The following THSD7A variants were observed in gnomAD, a reference collection of about 807,000 sequenced individuals.
THSD7A encodes thrombospondin type 1 domain containing 7A.
A neutral mutation model predicts 231.3 loss-of-function variants in THSD7A; 96 were observed. That is an observed-to-expected ratio of 0.41 (90% CI 0.35 to 0.49). The LOEUF is 0.49. Ranked by LOEUF, THSD7A falls within the 20% of genes least tolerant of loss-of-function variation. The pLI, the probability that THSD7A is intolerant of heterozygous loss-of-function variation, is 0.05. For missense variants in THSD7A, 2,290 were observed against 2,070.2 expected (o/e 1.11, Z -2.06); for synonymous variants, 940 against 743.3 (o/e 1.26, Z -4.30).
chr7:11,423,638 G>A (rs1784226384), intron 16 of THSD7A, among the ~76,000 whole-genome samples: 2 of 152,062 alleles, frequency 1.3e-5, no homozygotes. Context: ...CAAAGTGGTT[G>A]GATGTTTTTA....
At chr7:11,812,493 T>TAAGAGAAAGGTCACAAAAG (rs1399861832) in intron 1 of THSD7A, among the ~76,000 whole-genome samples, 7 of 152,198 alleles carry the variant, frequency 4.6e-5, no homozygotes, top group Admixed American at 6.5e-5. Flanking sequence ...GTCACAAAAG[T>TAAGAGAAAGGTCACAAAAG]GAAGGAAACT....
rs1298532378 is a variant in THSD7A at position 11,439,940 on chromosome 7, G to C, written c.3064+6121C>G. Among the ~76,000 whole-genome samples the C allele has an allele frequency of 3.3e-5, 5 of 152,032 alleles. No homozygotes were observed. In the East Asian group the frequency reaches 9.7e-4, roughly 29 times the overall value. On this transcript the variant is annotated intron_variant, in intron 13 of 27. Transcript: ENST00000423059. ...ATGTAGATGAAACAGCCTTCTGTTG[G>C]AAGAAAACAACATCTGGGACTTTCA...
intron 4 of THSD7A, among the ~76,000 whole-genome samples, chr7:11,574,117 A>G (rs1226895522): frequency 1.3e-5 from 2 of 152,226 alleles, no homozygotes; most frequent in Admixed American, 6.5e-5. Flanking sequence ...TGGGCTAGAT[A>G]TATAAATCTC....
intron 1 of THSD7A, among the ~76,000 whole-genome samples, chr7:11,786,982 A>G (rs1783814020): frequency 6.6e-6 from 1 of 152,088 alleles, no homozygotes; most frequent in Non-Finnish European, 1.5e-5. Context: ...TAAAGAGTTC[A>G]TATAAATTTT....
chr7:11,586,025 C>T (rs17574506), intron 4 of THSD7A, among the ~76,000 whole-genome samples: 67,614 of 151,876 alleles, frequency 0.45, 15,251 homozygotes, highest in Admixed American at 0.54. Flanking sequence ...TTACATCCCA[C>T]TGTATTTACA....
At chr7:11,488,329 A>G (rs2128306723) in intron 6 of THSD7A, among the ~76,000 whole-genome samples, 1 of 152,202 alleles carries the variant, frequency 6.6e-6, no homozygotes, top group Middle Eastern at 3.4e-3. Context: ...TTAAAGAGGG[A>G]AAAAATGGAG....
At chr7:11,708,653 C>T (rs559041308) in intron 1 of THSD7A, among the ~76,000 whole-genome samples, 46 of 150,824 alleles carry the variant, frequency 3.0e-4, no homozygotes, top group Non-Finnish European at 6.0e-5. Flanking sequence ...ACATTATTTT[C>T]TCCACTCACT....
chr7:11,492,839 T>C (rs1196679350), intron 6 of THSD7A, among the ~76,000 whole-genome samples: 1 of 152,020 alleles, frequency 6.6e-6, no homozygotes, highest in African/African-American at 2.4e-5. Flanking sequence ...CACAAAAACT[T>C]TGAACCGTAA....
intron 23 of THSD7A, among the ~76,000 whole-genome samples, chr7:11,398,025 C>A (rs145721302): frequency 2.0e-5 from 3 of 152,096 alleles, no homozygotes; most frequent in Non-Finnish European, 4.4e-5. Flanking sequence ...ACCCAGCAAT[C>A]CCATTACTGG....
chr7:11,791,631 C>G (rs1583294544), intron 1 of THSD7A, among the ~76,000 whole-genome samples: 2 of 151,824 alleles, frequency 1.3e-5, no homozygotes, highest in Admixed American at 1.3e-4. Context: ...CTGTGGACTT[C>G]CTTGTAAGAA....
In THSD7A at chr7:11,637,056, T is replaced by A; in HGVS notation, c.191-95A>T. The stretch of plus-strand genomic sequence containing the variant: ...AAAGACCTTTCAAGACCTAGTACAT[T>A]AACTTCCCTGCGGTGTTACAAAGTA... On this transcript the variant is annotated intron_variant, in intron 1 of 27. Transcript: ENST00000423059. The surrounding 1 kb of genome is among the most constrained non-coding windows in gnomAD (Gnocchi z 4.2). 8.7e-7 allele frequency: 1 copy of A among 1,145,046 alleles called. No homozygotes were observed. The highest frequency in any genetic ancestry group is 1.2e-6 in the Non-Finnish European group (1 of 810,620). The allele number at this position is 1,145,046 out of a possible 1,614,324, so 70.9% of individuals were successfully genotyped here.
intron 9 of THSD7A, among the ~76,000 whole-genome samples, 170 bp from the exon 10 acceptor site, chr7:11,462,313 C>A (rs550628747): frequency 2.0e-5 from 3 of 152,280 alleles, no homozygotes; most frequent in Admixed American, 2.0e-4. Flanking sequence ...CCATTTATAT[C>A]AAAAACCCAA....
intron 1 of THSD7A, among the ~76,000 whole-genome samples, chr7:11,748,098 C>A (rs149700039): frequency 2.2e-4 from 34 of 152,004 alleles, no homozygotes; most frequent in African/African-American, 5.1e-4. Context: ...TTTTAAAGAG[C>A]AGCCCAGCAC....
At chr7:11,403,865 G>C (rs1335182641) in intron 22 of THSD7A, among the ~76,000 whole-genome samples, 1 of 152,048 alleles carries the variant, frequency 6.6e-6, no homozygotes, top group African/African-American at 2.4e-5. Flanking sequence ...ATTACCCGAT[G>C]CCTGCCAAAG....
intron 1 of THSD7A, among the ~76,000 whole-genome samples, chr7:11,724,559 AC>A (rs1318458446): frequency 2.6e-5 from 4 of 151,846 alleles, no homozygotes; most frequent in African/African-American, 9.7e-5. Flanking sequence ...ACGCACACAT[AC>A]CCCCACACCT....
At chr7:11,570,087 G>C (rs1247485648) in intron 4 of THSD7A, among the ~76,000 whole-genome samples, 1 of 152,068 alleles carries the variant, frequency 6.6e-6, no homozygotes, top group Non-Finnish European at 1.5e-5. Flanking sequence ...TGGGAGGATT[G>C]CTTCACCCAG....
intron 1 of THSD7A, among the ~76,000 whole-genome samples, chr7:11,787,119 T>C (rs984277723): frequency 2.6e-5 from 4 of 152,144 alleles, no homozygotes; most frequent in African/African-American, 4.8e-5. Flanking sequence ...GATTGAATTG[T>C]TTAATGGATC....
intron 4 of THSD7A, among the ~76,000 whole-genome samples, chr7:11,566,472 C>T (rs1354176537): frequency 6.6e-6 from 1 of 152,040 alleles, no homozygotes; most frequent in Admixed American, 6.5e-5. Context: ...TTTAGATCAC[C>T]CTTTGAGGAA....
chr7:11,450,215 C>G (rs780139368), intron 11 of THSD7A, among the ~76,000 whole-genome samples: 4 of 151,938 alleles, frequency 2.6e-5, no homozygotes, highest in Non-Finnish European at 5.9e-5. Flanking sequence ...CAATACAATT[C>G]CAGAAACAAT....
Sources: allele counts gnomAD v4.1 joint callset (sites outside exome capture counted in the v4.1 genomes callset), GRCh38; gene constraint gnomAD v4.1.1; non-coding constraint Gnocchi (gnomAD v3.1); transcripts MANE v1.5; gene names NCBI Gene and HGNC (gene_info 2026-07-23, HGNC 2026-07-21).